The following ZFYVE26 variants were observed in gnomAD, a reference collection of about 807,000 sequenced individuals.
The protein encoded by ZFYVE26 is zinc finger FYVE domain-containing protein 26.
In ZFYVE26, 181 loss-of-function variants were observed where a neutral mutation model predicts 276.5. That is an observed-to-expected ratio of 0.65 (90% CI 0.58 to 0.74). The LOEUF is 0.74. Among genes scored for constraint, ZFYVE26 ranks in the 30% least tolerant of loss-of-function variants. The probability of loss-of-function intolerance (pLI) is 0.00; values close to 1 mark genes in which losing one functional copy is unlikely to be tolerated. For missense variants in ZFYVE26, 2,821 were observed against 3,097.9 expected (o/e 0.91, Z 2.12); for synonymous variants, 1,129 against 1,203.1 (o/e 0.94, Z 1.27).
At chr14:67,811,426 T>A (rs2040299511) in intron 3 of ZFYVE26, among the ~76,000 whole-genome samples, 1 of 152,088 alleles carries the variant, frequency 6.6e-6, no homozygotes, top group Admixed American at 6.6e-5. Flanking sequence ...ACTGGCAAAA[T>A]TATAGACATC....
At chr14:67,768,581 A>G in intron 29 of ZFYVE26, 33 bp from the exon 30 acceptor site, 1 of 1,611,018 alleles carries the variant, frequency 6.2e-7, no homozygotes, top group South Asian at 1.1e-5. Context: ...TATTAAATAA[A>G]TGCCTGAGTC....
chr14:67,762,857 A>T, intron 32 of ZFYVE26, 38 bp from the exon 33 acceptor site: 1 of 1,611,902 alleles, frequency 6.2e-7, no homozygotes, highest in Non-Finnish European at 8.5e-7. Flanking sequence ...GAGGCTCCCT[A>T]GTGTCTTACT....
chr14:67,792,738 C>T (rs1488025769), intron 14 of ZFYVE26, among the ~76,000 whole-genome samples: 1 of 151,190 alleles, frequency 6.6e-6, no homozygotes, highest in Non-Finnish European at 1.5e-5. Context: ...ATCGCAAAAC[C>T]TCATCTCTAC....
chr14:67,797,811 C>G, intron 11 of ZFYVE26, 56 bp from the exon 12 acceptor site: 1 of 1,606,958 alleles, frequency 6.2e-7, no homozygotes, highest in Non-Finnish European at 8.5e-7. Flanking sequence ...TGATTTGGCC[C>G]TTTCTTGGCA....
At chr14:67,774,216 A>G (rs2039283724) in intron 27 of ZFYVE26, among the ~76,000 whole-genome samples, 1 of 152,218 alleles carries the variant, frequency 6.6e-6, no homozygotes, top group Non-Finnish European at 1.5e-5. Context: ...TCTATATAAC[A>G]GTGACCTGGC....
intron 23 of ZFYVE26, among the ~76,000 whole-genome samples, chr14:67,779,321 G>T (rs1248181880): frequency 1.3e-5 from 2 of 152,202 alleles, no homozygotes; most frequent in African/African-American, 4.8e-5. Flanking sequence ...CCAGCACCTT[G>T]GGAGGCCAAG....
intron 13 of ZFYVE26, 119 bp from the exon 14 acceptor site, chr14:67,793,878 A>T: frequency 7.2e-7 from 1 of 1,380,584 alleles, no homozygotes; most frequent in Non-Finnish European, 1.0e-6. Flanking sequence ...AAAGGCCTGT[A>T]AATAGGTCTT....
intron 35 of ZFYVE26, chr14:67,761,095 C>A: frequency 1.6e-6 from 1 of 634,116 alleles, no homozygotes. Flanking sequence ...TGCTCTTAAC[C>A]ACTATCCGAT....
At chr14:67,776,519 C>T (rs964620088) in intron 25 of ZFYVE26, among the ~76,000 whole-genome samples, 7 of 152,196 alleles carry the variant, frequency 4.6e-5, no homozygotes, top group Non-Finnish European at 1.0e-4. Context: ...AGGTGGTAGC[C>T]TGCTCACGCC....
At chr14:67,735,121 A>G in intron 13 of ZFYVE26, 1 of 795,084 alleles carries the variant, frequency 1.3e-6, no homozygotes, top group Non-Finnish European at 2.3e-6. Context: ...GAAAACAATG[A>G]TAGGCATGGG....
Position 67,793,697 on chromosome 14 carries a change from G to C in ZFYVE26, c.2464C>G (p.Gln822Glu). The change falls in exon 14 of 42, where the codon CAA (glutamine) becomes GAA (glutamate). Residue 822 changes from glutamine to glutamate, a missense_variant. By Grantham distance (29) the Gln-to-Glu change is conservative. Transcript: ENST00000347230. ...AACATCATGGGGATGAGTGAACTTTGAGGATGGGGGTGCAATCTACTGTGC... is the reference window on the plus strand; with the variant it reads ...AACATCATGGGGATGAGTGAACTTTCAGGATGGGGGTGCAATCTACTGTGC... ...ELHSRLHPHP[Q>E]SSLIPMMFSP... 1 of 1,613,960 alleles carries C rather than the reference G, an allele frequency of 6.2e-7. No individual in the cohort carries two copies. The highest frequency in any genetic ancestry group is 8.5e-7 in the Non-Finnish European group (1 of 1,179,916).
rs770415843 is a variant in ZFYVE26, at chr14:67,814,032, G to T, written c.227C>A (p.Ala76Asp). The part of the protein sequence containing the change: ...CGQDINPQRV[A>D]WVWLLVLEKW... The stretch of plus-strand genomic sequence containing the variant: ...CTCCAGTACAAGAAGCCAGACCCAG[G>T]CTACTCTTTGAGGGTTGATGTCCTG... Residue 76 changes from alanine (A) to aspartate (D), a missense_variant, in exon 3 of 42, where the codon GCC becomes GAC. By Grantham distance (126) the Ala-to-Asp change is moderately radical. Coordinates refer to ENST00000347230, the MANE Select transcript of ZFYVE26 (RefSeq NM_015346.4). 1.5e-5 allele frequency: 25 copies of T among 1,613,958 alleles called. No homozygotes were observed. The highest frequency in any genetic ancestry group is 1.9e-5 in the Non-Finnish European group (22 of 1,179,944).
intron 11 of ZFYVE26, 59 bp downstream of exon 11, chr14:67,797,955 T>C (rs139678170): frequency 1.6e-3 from 2,507 of 1,611,784 alleles, no homozygotes; most frequent in Non-Finnish European, 2.0e-3. Flanking sequence ...CTCTCCCATA[T>C]TCCTGGGATC....
intron 34 of ZFYVE26, 72 bp downstream of exon 34, chr14:67,762,131 T>A (rs1034191227): frequency 2.6e-6 from 4 of 1,552,726 alleles, no homozygotes; most frequent in Non-Finnish European, 3.5e-6. Flanking sequence ...TTTCCACTGA[T>A]TCTTTTCCCA....
chr14:67,766,423 C>T lies in ZFYVE26; in HGVS notation c.5815G>A (p.Ala1939Thr). Residue 1939 changes from alanine (A) to threonine (T), a missense_variant, in exon 32 of 42, where the codon GCC becomes ACC. Transcript: ENST00000347230. ...CTGTCCCGGTGCAGATTCAGGATGGCAATGCACAAGGAGGCGCTGGGGGCC... is the reference window on the plus strand; with the variant it reads ...CTGTCCCGGTGCAGATTCAGGATGGTAATGCACAAGGAGGCGCTGGGGGCC... ...EQAPSASLCI[A>T]ILNLHRDSIA... 3 of 1,612,246 alleles carry T rather than the reference C, an allele frequency of 1.9e-6. No individual in the cohort carries two copies. The highest frequency in any genetic ancestry group is 1.7e-6 in the Non-Finnish European group (2 of 1,179,988).
chr14:67,759,411 G>A (rs1278371207), intron 35 of ZFYVE26, among the ~76,000 whole-genome samples: 1 of 151,996 alleles, frequency 6.6e-6, no homozygotes, highest in Non-Finnish European at 1.5e-5. Flanking sequence ...GGATCACAAG[G>A]TCAAGATATC....
At chr14:67,742,804 CCCTT>C (rs969804893), downstream of ZFYVE26, among the ~76,000 whole-genome samples, 3 of 143,438 alleles carry the variant, frequency 2.1e-5, no homozygotes, top group African/African-American at 5.5e-5. Flanking sequence ...CTTCCTTCTT[CCCTT>C]CCTTCCTTCC....
downstream of ZFYVE26, among the ~76,000 whole-genome samples, chr14:67,744,689 T>C (rs1448615797): frequency 6.6e-6 from 1 of 152,192 alleles, no homozygotes; most frequent in East Asian, 1.9e-4. Context: ...TTGTGTTAGT[T>C]TGCTGAGAAT....
intron 16 of ZFYVE26, among the ~76,000 whole-genome samples, chr14:67,786,868 T>A (rs1417093693): frequency 6.6e-6 from 1 of 152,206 alleles, no homozygotes; most frequent in African/African-American, 2.4e-5. Flanking sequence ...TGGAAAAGAA[T>A]GAGATCCAAT....
Sources: allele counts gnomAD v4.1 joint callset (sites outside exome capture counted in the v4.1 genomes callset), GRCh38; gene constraint gnomAD v4.1.1; transcripts MANE v1.5; gene names NCBI Gene and HGNC (gene_info 2026-07-23, HGNC 2026-07-21).